The following PACSIN2 variants were observed in gnomAD, a reference collection of about 807,000 sequenced individuals.
PACSIN2 encodes protein kinase C and casein kinase substrate in neurons 2, also known as protein kinase C and casein kinase substrate in neurons protein 2.
PACSIN2 carries 25 observed loss-of-function variants against 63.8 expected under a neutral mutation model. That is an observed-to-expected ratio of 0.39 (90% CI 0.29 to 0.55). PACSIN2 has a LOEUF of 0.55. Among genes scored for constraint, PACSIN2 ranks in the 20% least tolerant of loss-of-function variants. The pLI is 0.62. For missense variants in PACSIN2, 518 were observed against 646.9 expected (o/e 0.80, Z 2.16); for synonymous variants, 255 against 256.2 (o/e 1.00, Z 0.05).
intron 7 of PACSIN2, 38 bp from the exon 8 acceptor site, chr22:42,879,207 C>T: frequency 5.0e-6 from 8 of 1,600,840 alleles, no homozygotes; most frequent in Non-Finnish European, 6.8e-6. Context: ...ACCAAAGGTT[C>T]ACTACTTGCT....
At chr22:43,008,531 T>A (rs5759085) in intron 1 of PACSIN2, among the ~76,000 whole-genome samples, 1 of 152,128 alleles carries the variant, frequency 6.6e-6, no homozygotes, top group Non-Finnish European at 1.5e-5. Context: ...TTACAGGCGT[T>A]AGCCACCACG....
At chr22:42,975,864 C>T (rs1601595763) in intron 1 of PACSIN2, among the ~76,000 whole-genome samples, 2 of 152,192 alleles carry the variant, frequency 1.3e-5, no homozygotes, top group South Asian at 4.1e-4. Flanking sequence ...TCTAAGAAAA[C>T]ATTTCTAAAC....
intron 1 of PACSIN2, among the ~76,000 whole-genome samples, chr22:42,934,825 T>C (rs1932860192): frequency 6.6e-6 from 1 of 152,170 alleles, no homozygotes; most frequent in South Asian, 2.1e-4. Flanking sequence ...TACCCACAGC[T>C]CCTCAGTGAG....
intron 1 of PACSIN2, among the ~76,000 whole-genome samples, chr22:42,969,481 G>A (rs947962107): frequency 1.3e-5 from 2 of 152,124 alleles, no homozygotes; most frequent in African/African-American, 4.8e-5. Context: ...TCTTATGGAG[G>A]CCTTGGGGAA....
intron 1 of PACSIN2, among the ~76,000 whole-genome samples, chr22:42,936,918 G>A (rs888323696): frequency 6.3e-5 from 8 of 127,246 alleles, no homozygotes; most frequent in South Asian, 2.4e-4. Flanking sequence ...CTCAAAAAAA[G>A]GGGGGGGGGC....
At chr22:42,977,644 T>C (rs1206247712) in intron 1 of PACSIN2, among the ~76,000 whole-genome samples, 1 of 152,104 alleles carries the variant, frequency 6.6e-6, no homozygotes, top group East Asian at 1.9e-4. Context: ...TCACGGCAAA[T>C]TGTAATCCCT....
intron 1 of PACSIN2, among the ~76,000 whole-genome samples, chr22:42,994,282 C>A (rs1923249390): frequency 6.6e-6 from 1 of 152,214 alleles, no homozygotes; most frequent in Non-Finnish European, 1.5e-5. Context: ...CCCCATGCAA[C>A]TGGGGCTCCA....
chr22:42,934,049 C>G (rs549458565), intron 1 of PACSIN2, among the ~76,000 whole-genome samples: 1 of 152,332 alleles, frequency 6.6e-6, no homozygotes, highest in East Asian at 1.9e-4. Flanking sequence ...CTTTAACACA[C>G]TTGTCTTCCA....
At chr22:42,903,816 C>A (rs558900986) in intron 2 of PACSIN2, among the ~76,000 whole-genome samples, 1 of 152,332 alleles carries the variant, frequency 6.6e-6, no homozygotes, top group East Asian at 1.9e-4. Context: ...TTCCTCGGGG[C>A]CTCAATTCTG....
At chr22:42,923,528 C>T (rs927044387) in intron 1 of PACSIN2, among the ~76,000 whole-genome samples, 6 of 152,226 alleles carry the variant, frequency 3.9e-5, no homozygotes, top group East Asian at 1.9e-4. Flanking sequence ...CCCGGGTTCA[C>T]GCCATTCTCC....
rs1363799033 is a variant in PACSIN2, at chr22:42,871,594, G to A, written c.1349-125C>T. 22 of 748,848 alleles carry A rather than the reference G, an allele frequency of 2.9e-5. 1 individual carries two copies. The highest frequency in any genetic ancestry group is 2.3e-4 in the Middle Eastern group (1 of 4,322). 46.4% of individuals were successfully genotyped at this position (748,848 alleles called of 1,614,324 possible). A position where few individuals can be genotyped will look rare whatever the true frequency, so the allele number is the denominator to read the frequency against. On this transcript the variant is annotated intron_variant, in intron 10 of 10. Transcript: ENST00000263246. This position sits in a 1 kb window ranked among gnomAD's most constrained non-coding sequence, Gnocchi z 5.4. ...CCAGGCATTCTGTGGCGGGCAGGCC[G>A]AGGGCCTGGTCATTTCTCTACTAAA...
intron 1 of PACSIN2, among the ~76,000 whole-genome samples, chr22:42,999,229 T>G (rs965569467): frequency 6.6e-6 from 1 of 152,222 alleles, no homozygotes; most frequent in African/African-American, 2.4e-5. Flanking sequence ...CTTGCTCACC[T>G]GCATGCTCCC....
intron 1 of PACSIN2, among the ~76,000 whole-genome samples, chr22:42,944,087 T>C (rs1238705903): frequency 1.3e-5 from 2 of 152,096 alleles, no homozygotes; most frequent in Non-Finnish European, 2.9e-5. Context: ...ACATCAGTAG[T>C]GAAAAGTCCA....
chr22:42,875,085 C>T (rs965752070), intron 10 of PACSIN2, among the ~76,000 whole-genome samples: 4 of 151,644 alleles, frequency 2.6e-5, no homozygotes, highest in Admixed American at 1.3e-4. Flanking sequence ...CTCCTGACCT[C>T]GTGATCTGTG....
At chr22:42,879,381 C>G (rs1928903440) in intron 7 of PACSIN2, among the ~76,000 whole-genome samples, 1 of 152,212 alleles carries the variant, frequency 6.6e-6, no homozygotes, top group Non-Finnish European at 1.5e-5. Context: ...CCTCACTGTT[C>G]AAAGCAGGGG....
chr22:42,896,724 G>A (rs1413589975), intron 2 of PACSIN2, among the ~76,000 whole-genome samples: 1 of 152,200 alleles, frequency 6.6e-6, no homozygotes, highest in Non-Finnish European at 1.5e-5. Flanking sequence ...GCTGTGCACT[G>A]CCATCAGCAA....
At chr22:42,978,631 C>G (rs1921867320) in intron 1 of PACSIN2, among the ~76,000 whole-genome samples, 2 of 152,212 alleles carry the variant, frequency 1.3e-5, no homozygotes, top group African/African-American at 4.8e-5. Context: ...TTGTGGGAGG[C>G]AGTCGGGCAA....
chr22:42,883,632 A>T (rs1182292366), intron 6 of PACSIN2, among the ~76,000 whole-genome samples: 2 of 152,212 alleles, frequency 1.3e-5, no homozygotes, highest in Admixed American at 6.5e-5. Flanking sequence ...CAGTCACCTG[A>T]TCACAAAGGG....
At chr22:42,979,523 CAA>C (rs768725896) in intron 1 of PACSIN2, among the ~76,000 whole-genome samples, 299 of 61,580 alleles carry the variant, frequency 4.9e-3, no homozygotes, top group East Asian at 0.028. Flanking sequence ...GACTCCCTCT[CAA>C]AAAAAAAAAA....
Sources: gnomAD v4.1 joint callset for allele counts (sites outside exome capture counted in the v4.1 genomes callset) on GRCh38, gnomAD v4.1.1 for gene constraint, Gnocchi (gnomAD v3.1) non-coding constraint, MANE v1.5 for transcripts, NCBI Gene and HGNC (gene_info 2026-07-23, HGNC 2026-07-21) for gene names.